PASK: variants seen among roughly 807,000 people sequenced by gnomAD.
PASK encodes the protein PAS domain-containing serine/threonine-protein kinase.
A neutral mutation model predicts 121.0 loss-of-function variants in PASK; 110 were observed. That is an observed-to-expected ratio of 0.91 (90% CI 0.78 to 1.06). The LOEUF (loss-of-function observed/expected upper bound fraction) is 1.06. Ranked by LOEUF, PASK falls within the 50% of genes least tolerant of loss-of-function variation. The pLI, the probability that PASK is intolerant of heterozygous loss-of-function variation, is 0.00. For missense variants in PASK, 1,643 were observed against 1,702.3 expected (o/e 0.97, Z 0.61); for synonymous variants, 686 against 717.8 (o/e 0.96, Z 0.71).
At chr2:241,134,792 G>C in intron 8 of PASK, 1 of 136,680 alleles carries the variant, frequency 7.3e-6, no homozygotes, top group South Asian at 2.3e-4. Flanking sequence ...CCATAGAACA[G>C]AGACCCCCCC....
At chr2:241,107,257 G>GCCTCCTTTT in intron 17 of PASK, 96 bp downstream of exon 17, 2 of 1,061,398 alleles carry the variant, frequency 1.9e-6, no homozygotes, top group South Asian at 2.5e-5. Flanking sequence ...GGGGGAGAGA[G>GCCTCCTTTT]CCTCCTTTTC....
intron 1 of PASK, 48 bp from the exon 2 acceptor site, chr2:241,143,122 A>C: frequency 1.0e-6 from 1 of 982,430 alleles, no homozygotes; most frequent in Non-Finnish European, 1.6e-6. Flanking sequence ...CAAAAACACA[A>C]AGACAGTTTA....
intron 11 of PASK, among the ~76,000 whole-genome samples, chr2:241,123,451 T>G (rs2065715489): frequency 6.6e-6 from 1 of 152,054 alleles, no homozygotes; most frequent in African/African-American, 2.4e-5. Context: ...GTGCTGGGAT[T>G]ACAGGCTTGA....
At chr2:241,128,280 C>CA (rs757105950) in intron 9 of PASK, among the ~76,000 whole-genome samples, 3 of 152,136 alleles carry the variant, frequency 2.0e-5, no homozygotes, top group Non-Finnish European at 2.9e-5. Context: ...GACTCCGTCT[C>CA]AAACACAAAC....
intron 15 of PASK, among the ~76,000 whole-genome samples, chr2:241,110,613 G>A (rs1245571036): frequency 6.6e-6 from 1 of 152,180 alleles, no homozygotes; most frequent in African/African-American, 2.4e-5. Flanking sequence ...GGCCAAGGTG[G>A]CCAAGCAGCA....
In PASK at chr2:241,126,310, C is replaced by T. The variant is rs754280192; in HGVS notation, c.2605G>A (p.Val869Ile). 6 of 1,614,222 alleles carry T rather than the reference C, an allele frequency of 3.7e-6. No homozygotes were observed. Among genetic ancestry groups the T allele is most frequent in the East Asian group, 2.2e-5 (1 of 44,882 alleles). ...ATCACGGGCGTGGAGGTGACCTGGACGTTCAGCCTTGGCTCCTCTGCTGAT... is the reference window on the plus strand; with the variant it reads ...ATCACGGGCGTGGAGGTGACCTGGATGTTCAGCCTTGGCTCCTCTGCTGAT... The part of the protein sequence containing the change: ...CPSAEEPRLN[V>I]QVTSTPVIVM... The change falls in exon 10 of 18, where the codon GTC becomes ATC. Residue 869 changes from valine to isoleucine, a missense_variant. Val to Ile is a conservative substitution (Grantham distance 29). This residue lies in a region of PASK where 1,176 missense variants were observed against 1,162.2 expected (regional missense o/e 1.01). Coordinates refer to ENST00000234040, the MANE Select transcript of PASK (RefSeq NM_015148.4).
intron 8 of PASK, chr2:241,133,982 C>CA (rs371863045): frequency 0.051 from 5,955 of 117,912 alleles, 587 homozygotes; most frequent in East Asian, 0.43. Flanking sequence ...AACTCTGTCT[C>CA]AAAAAAAAAA....
intron 11 of PASK, among the ~76,000 whole-genome samples, chr2:241,123,174 CTTTTT>C (rs528024638): frequency 5.3e-5 from 7 of 132,920 alleles, no homozygotes; most frequent in Admixed American, 7.4e-5. Context: ...AAAGTGGCTT[CTTTTT>C]TTTTTTTTTT....
In PASK at chr2:241,112,372, A is replaced by G. The variant is rs1575229070; in HGVS notation, c.3401T>C (p.Ile1134Thr). Reference sequence around the variant, plus strand: ...GATTGTGAAGTCCTCGGCGATCACGATGTTCTCATCCTTGATGTCACGGTG... The same window carrying G: ...GATTGTGAAGTCCTCGGCGATCACGGTGTTCTCATCCTTGATGTCACGGTG... ...IIHRDIKDEN[I>T]VIAEDFTIKL... is the part of the protein sequence containing the mutation. Residue 1134 changes from isoleucine (I) to threonine (T), a missense_variant, in exon 15 of 18, where the codon ATC becomes ACC. By Grantham distance (89) the Ile-to-Thr change is moderately conservative. Around this residue, in one of 3 missense-constraint regions of PASK, gnomAD observed 453 missense variants for 511.2 expected, o/e 0.89. Transcript: ENST00000234040. The surrounding 1 kb of genome is among the most constrained non-coding windows in gnomAD (Gnocchi z 5.2). The G allele has an allele frequency of 4.3e-6, 7 of 1,613,758 alleles. No homozygotes were observed. The Middle Eastern group carries it at 4.9e-4, about 114-fold the overall frequency.
chr2:241,108,505 T>C lies in PASK; in HGVS notation c.3534-205A>G. The C allele has an allele frequency of 3.1e-6, 2 of 635,494 alleles. No homozygotes were observed. Among genetic ancestry groups the C allele is most frequent in the Non-Finnish European group, 5.7e-6 (2 of 351,838 alleles). 39.4% of individuals were successfully genotyped at this position (635,494 alleles called of 1,614,324 possible). A position where few individuals can be genotyped will look rare whatever the true frequency, so the allele number is the denominator to read the frequency against. ...CAGCCAGCAGGCCATGTGCCAGGAG[T>C]GGAGAGGCCATCGGGCAGCTCCGAG... On this transcript the variant is annotated intron_variant, in intron 15 of 17. Transcript: ENST00000234040. The surrounding 1 kb of genome is among the most constrained non-coding windows in gnomAD (Gnocchi z 5.2).
chr2:241,126,182 G>T lies in PASK; in HGVS notation c.2719+14C>A. The T allele has an allele frequency of 1.9e-6, 3 of 1,613,238 alleles. No homozygotes were observed. The highest frequency in any genetic ancestry group is 1.3e-5 in the African/African-American group (1 of 74,968). On this transcript the variant is annotated intron_variant, in intron 10 of 17. Transcript: ENST00000234040. ...GGGAGCACCACACTTCTTCCTATGG[G>T]GCCCGGGACATACTCAGCCGTAAGC...
At chr2:241,118,215 C>T (rs2065455803) in intron 12 of PASK, among the ~76,000 whole-genome samples, 1 of 149,802 alleles carries the variant, frequency 6.7e-6, no homozygotes, top group Non-Finnish European at 1.5e-5. Flanking sequence ...CCAAAACAAG[C>T]TTGGAAAAAA....
upstream of PASK, chr2:241,149,934 G>A: frequency 7.0e-7 from 1 of 1,429,142 alleles, no homozygotes; most frequent in Non-Finnish European, 9.1e-7. Context: ...TGCTCCGAGC[G>A]TCAAGAGAAG....
chr2:241,140,073 G>C lies in PASK; in HGVS notation c.430-18C>G. 1 of 1,610,958 alleles carries C rather than the reference G, an allele frequency of 6.2e-7. No homozygotes were observed. The highest frequency in any genetic ancestry group is 8.5e-7 in the Non-Finnish European group (1 of 1,177,628). On this transcript the variant is annotated intron_variant, in intron 3 of 17. Coordinates refer to ENST00000234040, the MANE Select transcript of PASK (RefSeq NM_015148.4). The stretch of plus-strand genomic sequence containing the variant: ...ACCAGGATCTGAGGAATCACAAAGA[G>C]GAGCAAGGATGCAGACATCCCCAGC...
At chr2:241,142,000 G>C (rs1575340577) in intron 2 of PASK, among the ~76,000 whole-genome samples, 1 of 152,112 alleles carries the variant, frequency 6.6e-6, no homozygotes, top group South Asian at 2.1e-4. Flanking sequence ...GAACACACCT[G>C]TCAACACTCA....
At chr2:241,141,144 G>A (rs559507371) in intron 2 of PASK, among the ~76,000 whole-genome samples, 1 of 152,254 alleles carries the variant, frequency 6.6e-6, no homozygotes, top group Non-Finnish European at 1.5e-5. Context: ...AAAATCAGTT[G>A]GGCATAGTGG....
intron 2 of PASK, among the ~76,000 whole-genome samples, chr2:241,141,823 G>A (rs1025215974): frequency 6.6e-6 from 1 of 151,804 alleles, no homozygotes; most frequent in African/African-American, 2.4e-5. Flanking sequence ...GCCTGACCCC[G>A]ACCATTCTCT....
At position 241,136,493 on chromosome 2, in the gene PASK, G is replaced by A. The variant is rs542459614; in HGVS notation, c.1138-454C>T. 1.1e-4 allele frequency among the ~76,000 whole-genome samples: 17 copies of A among 152,202 alleles called. No individual in the cohort carries two copies. In the South Asian group the frequency reaches 3.3e-3, roughly 30 times the overall value. Reference sequence around the variant, plus strand: ...TGAACCTGTGTGTGGCCCCCTCACCGGGACACTGCCCATAGCTGTAATGCC... The same window carrying A: ...TGAACCTGTGTGTGGCCCCCTCACCAGGACACTGCCCATAGCTGTAATGCC... On this transcript the variant is annotated intron_variant, in intron 7 of 17. Coordinates refer to ENST00000234040, the MANE Select transcript of PASK (RefSeq NM_015148.4).
At position 241,131,009 on chromosome 2, in the gene PASK, G is replaced by A. The variant is rs141199855; in HGVS notation, c.1463+1865C>T. On this transcript the variant is annotated intron_variant, in intron 9 of 17. Transcript: ENST00000234040. ...TATAGTTAAATGCACAAGAAAGAAG[G>A]CCTGGAAGGCTCTAACTGCTGACTG... Among the ~76,000 whole-genome samples, 1,472 of 152,282 alleles carry A rather than the reference G, an allele frequency of 9.7e-3. 19 individuals carry two copies. Among genetic ancestry groups the A allele is most frequent in the African/African-American group, 0.033 (1,359 of 41,548 alleles).
Sources: allele counts gnomAD v4.1 joint callset (sites outside exome capture counted in the v4.1 genomes callset), GRCh38; gene constraint gnomAD v4.1.1; regional missense constraint gnomAD v4.1.1; non-coding constraint Gnocchi (gnomAD v3.1); transcripts MANE v1.5; gene names NCBI Gene and HGNC (gene_info 2026-07-23, HGNC 2026-07-21).